The following MDM4 variants were observed in gnomAD, a reference collection of about 807,000 sequenced individuals.
MDM4 encodes the protein protein Mdm4.
MDM4 carries 2 observed loss-of-function variants against 60.2 expected under a neutral mutation model. That is an observed-to-expected ratio of 0.03 (90% confidence interval 0.01 to 0.10). MDM4 has a LOEUF of 0.10. Ranked by LOEUF, MDM4 falls within the 10% of genes least tolerant of loss-of-function variation. The pLI, the probability that MDM4 is intolerant of heterozygous loss-of-function variation, is 1.00. For synonymous variants in MDM4, 202 were observed against 198.1 expected (o/e 1.02, Z -0.17); for missense variants, 447 against 577.5 (o/e 0.77, Z 2.32).
rs539020872 is a variant in MDM4 at position 204,553,366 on chromosome 1, G to T, written c.*3684G>T. The T allele has an allele frequency of 3.6e-4, 80 of 224,056 alleles. No homozygotes were observed. The highest frequency in any genetic ancestry group is 1.7e-3 in the African/African-American group (77 of 45,050). The allele number at this position is 224,056 out of a possible 1,614,324, so 13.9% of individuals were successfully genotyped here. A position where few individuals can be genotyped will look rare whatever the true frequency, so the allele number is the denominator to read the frequency against. On this transcript the variant is annotated 3_prime_UTR_variant, in exon 11 of 11. Transcript: ENST00000367182. ...GTAGTTATTGGGACCATGTGCTCTG[G>T]TTTTCTGGAGACTGCCAAATTGCTC...
intron 10 of MDM4, among the ~76,000 whole-genome samples, 187 bp from the exon 11 acceptor site, chr1:204,548,926 T>C (rs914356083): frequency 2.0e-5 from 3 of 152,182 alleles, no homozygotes; most frequent in Admixed American, 2.0e-4. Flanking sequence ...ATAGCAGTTG[T>C]GGCACTATCA....
At position 204,552,487 on chromosome 1, in the gene MDM4, T is replaced by A. The variant is rs1392622701; in HGVS notation, c.*2805T>A. 2 of 154,446 alleles carry A rather than the reference T, an allele frequency of 1.3e-5. No homozygotes were observed. Among genetic ancestry groups the A allele is most frequent in the East Asian group, 3.6e-4 (2 of 5,608 alleles). The allele number at this position is 154,446 out of a possible 1,614,324, so 9.6% of individuals were successfully genotyped here. On this transcript the variant is annotated 3_prime_UTR_variant, in exon 11 of 11. Transcript: ENST00000367182. ...ACAGGCACATACCACCATGCCTGGC[T>A]AATTTTTGTATTTTTAGTAGAGATG...
rs575162608 is a variant in MDM4, at chr1:204,542,003, A to T, written c.512-781A>T. On this transcript the variant is annotated intron_variant, in intron 7 of 10. Coordinates refer to ENST00000367182, the MANE Select transcript of MDM4 (RefSeq NM_002393.5). ...AAAAGACTGGAGTATGGGAAAGAAA[A>T]GAGTATCATGTGATAACAACAGACT... is the stretch of plus-strand genomic sequence containing the variant. Among the ~76,000 whole-genome samples the T allele has an allele frequency of 5.3e-5, 8 of 152,350 alleles. No homozygotes were observed. The South Asian group carries it at 1.5e-3, about 28-fold the overall frequency.
At chr1:204,520,372 C>CTTTTTTTTTTTT (rs11290909) in intron 1 of MDM4, among the ~76,000 whole-genome samples, 1 of 141,398 alleles carries the variant, frequency 7.1e-6, no homozygotes, top group Non-Finnish European at 1.5e-5. Context: ...AACATCCCTG[C>CTTTTTTTTTTTT]TTTTTTTTTT....
chr1:204,529,391 C>T (rs559849285), intron 3 of MDM4: 6 of 1,108,746 alleles, frequency 5.4e-6, no homozygotes, highest in Non-Finnish European at 6.9e-6. Flanking sequence ...GCCTGGGCTG[C>T]TGGGCACCGT....
At chr1:204,546,531 T>C (rs1236691613) in intron 9 of MDM4, among the ~76,000 whole-genome samples, 1 of 152,168 alleles carries the variant, frequency 6.6e-6, no homozygotes, top group Non-Finnish European at 1.5e-5. Context: ...TTTAAAGTCA[T>C]AAATATGGGC....
chr1:204,532,225 A>G lies in MDM4; in HGVS notation c.322A>G (p.Thr108Ala). 1.2e-6 allele frequency: 2 copies of G among 1,603,582 alleles called. No individual in the cohort carries two copies. Among genetic ancestry groups the G allele is most frequent in the Non-Finnish European group, 1.7e-6 (2 of 1,171,142 alleles). ...LYDMLRKNLV[T>A]LATATTDAAQ... ...TGATATGCTAAGAAAGAATCTTGTC[A>G]CTTTAGCCACTGCTACTACAGGTAT... The change falls in exon 5 of 11, where the codon ACT (threonine) becomes GCT (alanine). Residue 108 changes from threonine (T) to alanine (A), a missense_variant. Transcript: ENST00000367182.
At chr1:204,537,948 C>T in intron 6 of MDM4, 1 of 719,060 alleles carries the variant, frequency 1.4e-6, no homozygotes, top group Non-Finnish European at 2.6e-6. Flanking sequence ...AGGGTTTATA[C>T]AGATAGCCTG....
In MDM4 at chr1:204,551,158, TAAGCCTCCC is replaced by T. The variant is rs776601442; in HGVS notation, c.*1480_*1488del. The T allele has an allele frequency of 5.2e-6, 1 of 192,768 alleles. No homozygotes were observed. Among genetic ancestry groups the T allele is most frequent in the Admixed American group, 6.1e-5 (1 of 16,310 alleles). The allele number at this position is 192,768 out of a possible 1,614,324, so 11.9% of individuals were successfully genotyped here. A position where few individuals can be genotyped will look rare whatever the true frequency, so the allele number is the denominator to read the frequency against. ...CCCAGATCCAAGCAATCCTCCCACC[TAAGCCTCCC>T]AAGTAGCTGGGTCTATAGGCGCGTG... On this transcript the variant is annotated 3_prime_UTR_variant, in exon 11 of 11. Coordinates refer to ENST00000367182, the MANE Select transcript of MDM4 (RefSeq NM_002393.5).
intron 8 of MDM4, 76 bp downstream of exon 8, chr1:204,543,020 A>G: frequency 4.1e-6 from 5 of 1,224,020 alleles, no homozygotes; most frequent in Non-Finnish European, 4.6e-6. Context: ...TTGACCACAC[A>G]TTATATTCTC....
intron 5 of MDM4, 37 bp downstream of exon 5, chr1:204,532,283 C>CT (rs761935206): frequency 7.3e-7 from 1 of 1,372,796 alleles, no homozygotes; most frequent in Non-Finnish European, 1.0e-6. Context: ...TGTATCACAG[C>CT]TTTGAGTTCA....
Position 204,551,630 on chromosome 1 carries a change from A to G in MDM4, c.*1948A>G, listed in dbSNP as rs1025541770. The G allele has an allele frequency of 4.3e-6, 1 of 231,956 alleles. No individual in the cohort carries two copies. The highest frequency in any genetic ancestry group is 8.5e-6 in the Non-Finnish European group (1 of 117,414). 14.4% of individuals were successfully genotyped at this position (231,956 alleles called of 1,614,324 possible). ...TAAGTTGGTTTCCATAGAGCTATGC[A>G]TGTATCCTTACCCCCATGGGAAAAT... On this transcript the variant is annotated 3_prime_UTR_variant, in exon 11 of 11. Coordinates refer to ENST00000367182, the MANE Select transcript of MDM4 (RefSeq NM_002393.5).
At position 204,551,054 on chromosome 1, in the gene MDM4, G is replaced by GTT; in HGVS notation, c.*1377_*1378dup. On this transcript the variant is annotated 3_prime_UTR_variant, in exon 11 of 11. Transcript: ENST00000367182. ...ATCAGTTTTTGTTTTGTTTTGTTTT[G>GTT]TTTTTTGAGACAGGGTCTTGCTCTG... 1 of 186,500 alleles carries GTT rather than the reference G, an allele frequency of 5.4e-6. No homozygotes were observed. Among genetic ancestry groups the GTT allele is most frequent in the East Asian group, 8.7e-5 (1 of 11,510 alleles). 11.6% of individuals were successfully genotyped at this position (186,500 alleles called of 1,614,324 possible). A position where few individuals can be genotyped will look rare whatever the true frequency, so the allele number is the denominator to read the frequency against.
At chr1:204,532,528 T>C in intron 5 of MDM4, 1 of 554,106 alleles carries the variant, frequency 1.8e-6, no homozygotes, top group Non-Finnish European at 3.1e-6. Flanking sequence ...AAGGACTTTT[T>C]TCTCCAAACA....
chr1:204,532,144 A>C, intron 4 of MDM4, 47 bp from the exon 5 acceptor site: 2 of 1,107,360 alleles, frequency 1.8e-6, no homozygotes, highest in East Asian at 2.4e-5. Context: ...TGATATCTTC[A>C]TAGTGGCATT....
intron 3 of MDM4, among the ~76,000 whole-genome samples, chr1:204,529,975 C>G (rs779495507): frequency 6.6e-6 from 1 of 152,170 alleles, no homozygotes; most frequent in African/African-American, 2.4e-5. Flanking sequence ...TTCCCAGGTT[C>G]AAGTGATCCT....
chr1:204,546,814 A>C lies in MDM4; in HGVS notation c.840A>C (p.Lys280Asn), dbSNP rs61748997. 741 of 1,612,796 alleles carry C rather than the reference A, an allele frequency of 4.6e-4. 6 individuals carry two copies. In the African/African-American group the frequency reaches 9.0e-3, roughly 20 times the overall value. Residue 280 changes from lysine (K) to asparagine (N), a missense_variant, in exon 10 of 11, where the codon AAA becomes AAC. By Grantham distance (94) the Lys-to-Asn change is moderately conservative. Transcript: ENST00000367182. ...CTTCACAGGTGATTGAAGTGGGAAAAAATGATGACCTGGAGGACTCTAAGT... is the reference window on the plus strand; with the variant it reads ...CTTCACAGGTGATTGAAGTGGGAAACAATGATGACCTGGAGGACTCTAAGT... ...VSDKKVIEVG[K>N]NDDLEDSKSL...
intron 1 of MDM4, among the ~76,000 whole-genome samples, chr1:204,520,264 C>T (rs1205322910): frequency 2.3e-5 from 3 of 130,288 alleles, no homozygotes; most frequent in Non-Finnish European, 3.1e-5. Flanking sequence ...TGCGACAGAG[C>T]GAGACTCCAT....
At position 204,552,079 on chromosome 1, in the gene MDM4, C is replaced by T. The variant is rs532119307; in HGVS notation, c.*2397C>T. On this transcript the variant is annotated 3_prime_UTR_variant, in exon 11 of 11. Transcript: ENST00000367182. Reference sequence around the variant, plus strand: ...CCTAGGTCGGGAGTTTGAGACCAGCCTGACCGACATGGAGAAACCCCATTT... The same window carrying T: ...CCTAGGTCGGGAGTTTGAGACCAGCTTGACCGACATGGAGAAACCCCATTT... 6.1e-6 allele frequency: 1 copy of T among 164,786 alleles called. No homozygotes were observed. Among genetic ancestry groups the T allele is most frequent in the South Asian group, 2.0e-4 (1 of 4,882 alleles). The allele number at this position is 164,786 out of a possible 1,614,324, so 10.2% of individuals were successfully genotyped here. A position where few individuals can be genotyped will look rare whatever the true frequency, so the allele number is the denominator to read the frequency against.
Sources: allele counts gnomAD v4.1 joint callset (sites outside exome capture counted in the v4.1 genomes callset), GRCh38; gene constraint gnomAD v4.1.1; transcripts MANE v1.5; gene names NCBI Gene and HGNC (gene_info 2026-07-23, HGNC 2026-07-21).